Variants in KIAA1549 observed in about 807,000 individuals in gnomAD.
KIAA1549 encodes KIAA1549.
In KIAA1549, 70 loss-of-function variants were observed where a neutral mutation model predicts 156.4. The observed-to-expected ratio is 0.45, with a 90% CI of 0.37 to 0.55. KIAA1549 has a LOEUF of 0.55. KIAA1549 is among the 20% of genes least tolerant of loss of function. The pLI, the probability that KIAA1549 is intolerant of heterozygous loss-of-function variation, is 0.00. For synonymous variants in KIAA1549, 1,103 were observed against 1,066.4 expected (o/e 1.03, Z -0.67); for missense variants, 2,428 against 2,540.9 (o/e 0.96, Z 0.96).
At position 138,841,271 on chromosome 7, in the gene KIAA1549, C is replaced by T. The variant is rs115515708; in HGVS notation, c.5453-993G>A. On this transcript the variant is annotated intron_variant, in intron 18 of 19. Transcript: ENST00000422774. Reference sequence around the variant, plus strand: ...TTTTTTCCCCTTAAAAGGCAGAATACGTATCTATTTAAATTCAGCATATTG... The same window carrying T: ...TTTTTTCCCCTTAAAAGGCAGAATATGTATCTATTTAAATTCAGCATATTG... Among the ~76,000 whole-genome samples, 814 of 152,176 alleles carry T rather than the reference C, an allele frequency of 5.3e-3. 10 individuals carry two copies. The highest frequency in any genetic ancestry group is 0.019 in the African/African-American group (783 of 41,520).
chr7:138,913,619 A>C (rs10265106), intron 2 of KIAA1549, among the ~76,000 whole-genome samples: 84,030 of 152,096 alleles, frequency 0.55, 26,380 homozygotes, highest in African/African-American at 0.87. Context: ...CTTTAAAACA[A>C]AAATGTTTAA....
intron 1 of KIAA1549, among the ~76,000 whole-genome samples, chr7:138,921,962 G>A (rs189835136): frequency 2.2e-4 from 34 of 152,290 alleles, no homozygotes; most frequent in Admixed American, 1.1e-3. Flanking sequence ...ATGATGATGC[G>A]TCTACAAGTC....
Position 138,891,512 on chromosome 7 carries a change from T to C in KIAA1549, c.4032+2830A>G, listed in dbSNP as rs563242077. On this transcript the variant is annotated intron_variant, in intron 10 of 19. Coordinates refer to ENST00000422774, the MANE Select transcript of KIAA1549 (RefSeq NM_001164665.2). ...AAAGAAAGCATGGGGTTTTCTTCTTTATTACTGAAAATAAGCAAAGGCTGT... is the reference window on the plus strand; with the variant it reads ...AAAGAAAGCATGGGGTTTTCTTCTTCATTACTGAAAATAAGCAAAGGCTGT... Among the ~76,000 whole-genome samples the C allele has an allele frequency of 8.5e-5, 13 of 152,314 alleles. No individual in the cohort carries two copies. The South Asian group carries it at 1.7e-3, about 19-fold the overall frequency.
At chr7:138,843,485 C>A (rs1809981308) in intron 18 of KIAA1549, among the ~76,000 whole-genome samples, 2 of 152,148 alleles carry the variant, frequency 1.3e-5, no homozygotes, top group South Asian at 4.1e-4. Flanking sequence ...CAGACAAATA[C>A]ATGCTTCATA....
At chr7:138,842,685 C>T (rs1346044822) in intron 18 of KIAA1549, among the ~76,000 whole-genome samples, 2 of 114,160 alleles carry the variant, frequency 1.8e-5, no homozygotes, top group East Asian at 3.2e-4. Context: ...AGAACAAAAA[C>T]TCTGTCTCAA....
At position 138,894,245 on chromosome 7, in the gene KIAA1549, C is replaced by T. The variant is rs1036012445; in HGVS notation, c.4032+97G>A. ...CAGAAGATTTCCATAATAGCCCTCC[C>T]TCTTCCTCATCTTTCAGTATCAAGA... is the stretch of plus-strand genomic sequence containing the variant. On this transcript the variant is annotated intron_variant, in intron 10 of 19. Transcript: ENST00000422774. The T allele has an allele frequency of 1.6e-5, 19 of 1,202,370 alleles. No individual in the cohort carries two copies. In the Admixed American group the frequency reaches 2.8e-4, roughly 18 times the overall value. 74.5% of individuals were successfully genotyped at this position (1,202,370 alleles called of 1,614,324 possible). A position where few individuals can be genotyped will look rare whatever the true frequency, so the allele number is the denominator to read the frequency against.
chr7:138,865,073 C>G (rs1207859210), intron 15 of KIAA1549, among the ~76,000 whole-genome samples: 1 of 152,054 alleles, frequency 6.6e-6, no homozygotes, highest in Non-Finnish European at 1.5e-5. Context: ...ACTAAAAATA[C>G]AAAAATTAGC....
At chr7:138,955,454 G>A (rs1813634022) in intron 1 of KIAA1549, among the ~76,000 whole-genome samples, 1 of 152,174 alleles carries the variant, frequency 6.6e-6, no homozygotes, top group Non-Finnish European at 1.5e-5. Context: ...TAGAAGGGTG[G>A]ATGCCAGGGG....
At chr7:138,955,180 G>A (rs147504475) in intron 1 of KIAA1549, among the ~76,000 whole-genome samples, 97 of 152,302 alleles carry the variant, frequency 6.4e-4, no homozygotes, top group Middle Eastern at 3.4e-3. Context: ...ATTAAAAACA[G>A]AAGTGAAAAA....
At chr7:138,927,016 C>A (rs1812739021) in intron 1 of KIAA1549, among the ~76,000 whole-genome samples, 1 of 151,994 alleles carries the variant, frequency 6.6e-6, no homozygotes, top group Non-Finnish European at 1.5e-5. Context: ...TGTATGTAGC[C>A]CTAAAGAATA....
In KIAA1549 at chr7:138,971,062, C is replaced by G. The variant is rs546743853; in HGVS notation, c.187+10021G>C. The stretch of plus-strand genomic sequence containing the variant: ...CCCAGCTGCCCTGCCCTCGACACAA[C>G]ACCCCAGGACCGCTGTGGCCTATCT... On this transcript the variant is annotated intron_variant, in intron 1 of 19. Transcript: ENST00000422774. 2.6e-5 allele frequency among the ~76,000 whole-genome samples: 4 copies of G among 152,326 alleles called. No individual in the cohort carries two copies. The South Asian group carries it at 8.3e-4, about 32-fold the overall frequency.
intron 12 of KIAA1549, among the ~76,000 whole-genome samples, chr7:138,877,062 G>A (rs1811105677): frequency 6.6e-6 from 1 of 152,186 alleles, no homozygotes; most frequent in African/African-American, 2.4e-5. Context: ...CCACCCGCAG[G>A]AGTGAGAGGG....
chr7:138,837,727 G>A lies in KIAA1549; in HGVS notation c.*179C>T. On this transcript the variant is annotated 3_prime_UTR_variant, in exon 20 of 20. Transcript: ENST00000422774. ...GTGTTCAGACAATTGCCAGCCCAGT[G>A]AAAGGCTCATGAGCTGTCACACGAC... 2 of 647,852 alleles carry A rather than the reference G, an allele frequency of 3.1e-6. No individual in the cohort carries two copies. The highest frequency in any genetic ancestry group is 5.2e-6 in the Non-Finnish European group (2 of 386,794). 40.1% of individuals were successfully genotyped at this position (647,852 alleles called of 1,614,324 possible). A position where few individuals can be genotyped will look rare whatever the true frequency, so the allele number is the denominator to read the frequency against.
chr7:138,927,251 A>G lies in KIAA1549; in HGVS notation c.188-7813T>C, dbSNP rs1278484665. Among the ~76,000 whole-genome samples the G allele has an allele frequency of 3.3e-5, 5 of 152,254 alleles. No individual in the cohort carries two copies. In the South Asian group the frequency reaches 6.2e-4, roughly 19 times the overall value. The stretch of plus-strand genomic sequence containing the variant: ...ACTACTGCCAATGTTTGTTATTACA[A>G]ACATTTCTGATACGAACTTTCCTAC... On this transcript the variant is annotated intron_variant, in intron 1 of 19. Coordinates refer to ENST00000422774, the MANE Select transcript of KIAA1549 (RefSeq NM_001164665.2).
intron 1 of KIAA1549, among the ~76,000 whole-genome samples, chr7:138,974,000 A>G (rs1814299111): frequency 6.6e-6 from 1 of 152,232 alleles, no homozygotes. Flanking sequence ...GAATGAATGT[A>G]CAGGTGATAG....
Position 138,917,707 on chromosome 7 carries a change from G to C in KIAA1549, c.1919C>G (p.Ser640Trp), listed in dbSNP as rs1413532699. ...PPLELSGSISSPSEAPASLSL... is the reference protein window; with the variant it reads ...PPLELSGSISWPSEAPASLSL... ...CAGAGACGCAGGTGCTTCCGAAGGC[G>C]AAGAGATGGAGCCGCTGAGTTCCAG... is the stretch of plus-strand genomic sequence containing the variant. The change falls in exon 2 of 20, where the codon TCG becomes TGG. Residue 640 changes from serine (S) to tryptophan (W), a missense_variant. Transcript: ENST00000422774. The C allele has an allele frequency of 6.2e-7, 1 of 1,601,934 alleles. No homozygotes were observed. The highest frequency in any genetic ancestry group is 1.7e-5 in the Admixed American group (1 of 57,812).
intron 8 of KIAA1549, 55 bp downstream of exon 8, chr7:138,903,533 C>A: frequency 6.4e-7 from 1 of 1,573,126 alleles, no homozygotes; most frequent in Non-Finnish European, 8.7e-7. Context: ...CACTCACACG[C>A]AAGCGCTGTC....
At chr7:138,840,422 C>T in intron 18 of KIAA1549, 144 bp from the exon 19 acceptor site, 1 of 674,994 alleles carries the variant, frequency 1.5e-6, no homozygotes, top group East Asian at 3.0e-5. Flanking sequence ...AGTTCTATCT[C>T]CAGAAATCTC....
chr7:138,942,877 T>G (rs1813224524), intron 1 of KIAA1549, among the ~76,000 whole-genome samples: 1 of 150,594 alleles, frequency 6.6e-6, no homozygotes, highest in Non-Finnish European at 1.5e-5. Flanking sequence ...GCCACTGCAC[T>G]CCAGCCTGGC....
Sources: gnomAD v4.1 joint callset for allele counts (sites outside exome capture counted in the v4.1 genomes callset) on GRCh38, gnomAD v4.1.1 for gene constraint, MANE v1.5 for transcripts, NCBI Gene and HGNC (gene_info 2026-07-23, HGNC 2026-07-21) for gene names.